Variants in LRP12 observed in about 807,000 individuals in gnomAD.
LRP12 encodes the protein low-density lipoprotein receptor-related protein 12.
LRP12 carries 14 observed loss-of-function variants against 66.0 expected under a neutral mutation model. That is an observed-to-expected ratio of 0.21 (90% CI 0.14 to 0.33). The LOEUF is 0.33. Ranked by LOEUF, LRP12 falls within the 10% of genes least tolerant of loss-of-function variation. LRP12 has a pLI of 1.00. For missense variants in LRP12, 889 were observed against 1,053.4 expected (o/e 0.84, Z 2.16); for synonymous variants, 357 against 359.1 (o/e 0.99, Z 0.07).
intron 1 of LRP12, among the ~76,000 whole-genome samples, chr8:104,548,335 A>G (rs1303624431): frequency 1.2e-4 from 1 of 8,308 alleles, no homozygotes; most frequent in East Asian, 1.9e-3. Flanking sequence ...TATATATTAT[A>G]TAAATATATA....
chr8:104,557,087 G>T (rs1811821407), intron 1 of LRP12, among the ~76,000 whole-genome samples: 1 of 152,068 alleles, frequency 6.6e-6, no homozygotes, highest in African/African-American at 2.4e-5. Context: ...ACCCGCAGTG[G>T]AATCAACATA....
chr8:104,589,132 C>T lies in LRP12; in HGVS notation c.-235G>A, dbSNP rs775668627. On this transcript the variant is annotated 5_prime_UTR_variant, in exon 1 of 7. Transcript: ENST00000276654. Reference sequence around the variant, plus strand: ...CCCACCCCGGGCGGTGCGAGAGCCCCACGCGGGGCGGCCCTCCTGGGGGCA... The same window carrying T: ...CCCACCCCGGGCGGTGCGAGAGCCCTACGCGGGGCGGCCCTCCTGGGGGCA... 2.2e-4 allele frequency: 48 copies of T among 218,818 alleles called. No individual in the cohort carries two copies. Among genetic ancestry groups the T allele is most frequent in the Non-Finnish European group, 3.7e-4 (41 of 112,086 alleles). The allele number at this position is 218,818 out of a possible 1,614,324, so 13.6% of individuals were successfully genotyped here. A position where few individuals can be genotyped will look rare whatever the true frequency, so the allele number is the denominator to read the frequency against.
intron 3 of LRP12, among the ~76,000 whole-genome samples, chr8:104,501,118 T>C (rs1810822176): frequency 6.6e-6 from 1 of 152,224 alleles, no homozygotes; most frequent in Admixed American, 6.5e-5. Flanking sequence ...TAATATTTCT[T>C]AAGAACTCTA....
At chr8:104,514,321 T>C (rs1187716285) in intron 2 of LRP12, among the ~76,000 whole-genome samples, 1 of 152,154 alleles carries the variant, frequency 6.6e-6, no homozygotes, top group East Asian at 1.9e-4. Context: ...TGTAATTTCA[T>C]TTTTCCTAGT....
chr8:104,555,361 G>T (rs546956685), intron 1 of LRP12, among the ~76,000 whole-genome samples: 1 of 152,176 alleles, frequency 6.6e-6, no homozygotes, highest in East Asian at 1.9e-4. Flanking sequence ...CCTCCACTTA[G>T]AAGACATAAA....
chr8:104,541,884 C>T (rs1202319703), intron 1 of LRP12, among the ~76,000 whole-genome samples: 1 of 152,110 alleles, frequency 6.6e-6, no homozygotes, highest in Non-Finnish European at 1.5e-5. Context: ...GGATATATCA[C>T]ATTTTGTTTA....
chr8:104,528,683 G>A lies in LRP12; in HGVS notation c.136+3224C>T, dbSNP rs1588493145. Among the ~76,000 whole-genome samples, 3 of 151,928 alleles carry A rather than the reference G, an allele frequency of 2.0e-5. No homozygotes were observed. The South Asian group carries it at 6.2e-4, about 32-fold the overall frequency. On this transcript the variant is annotated intron_variant, in intron 2 of 6. Coordinates refer to ENST00000276654, the MANE Select transcript of LRP12 (RefSeq NM_013437.5). ...CCAGCTACTTGGGAGACTGGGGCAG[G>A]AGAATCGCTTGAACCCGGGAGGCAG...
chr8:104,549,180 T>C (rs563551695), intron 1 of LRP12, among the ~76,000 whole-genome samples: 1 of 152,082 alleles, frequency 6.6e-6, no homozygotes, highest in Non-Finnish European at 1.5e-5. Flanking sequence ...TTCTTGCCAG[T>C]GCACCTCCTT....
At chr8:104,536,121 T>C (rs1242900902) in intron 1 of LRP12, among the ~76,000 whole-genome samples, 1 of 152,046 alleles carries the variant, frequency 6.6e-6, no homozygotes, top group East Asian at 1.9e-4. Context: ...ATAATCCTAA[T>C]AGGGCTTGCC....
At chr8:104,555,316 T>C (rs1811788558) in intron 1 of LRP12, among the ~76,000 whole-genome samples, 1 of 152,172 alleles carries the variant, frequency 6.6e-6, no homozygotes, top group Non-Finnish European at 1.5e-5. Flanking sequence ...GTACCTCGCA[T>C]TTCAATACCA....
Position 104,533,499 on chromosome 8 carries a change from T to TTATATGCACACTTAGTGATC in LRP12, c.80-1556_80-1537dup, listed in dbSNP as rs1329390299. Among the ~76,000 whole-genome samples the TTATATGCACACTTAGTGATC allele has an allele frequency of 3.3e-5, 5 of 152,180 alleles. No homozygotes were observed. In the East Asian group the frequency reaches 7.7e-4, roughly 23 times the overall value. On this transcript the variant is annotated intron_variant, in intron 1 of 6. Coordinates refer to ENST00000276654, the MANE Select transcript of LRP12 (RefSeq NM_013437.5). ...TCATTCCAGATTATGGAATCTGAATTTATATGCACACTTAGTGATCTATAT... is the reference window on the plus strand; with the variant it reads ...TCATTCCAGATTATGGAATCTGAATTTATATGCACACTTAGTGATCTATATGCACACTTAGTGATCTATAT...
chr8:104,502,053 A>G (rs1013453695), intron 3 of LRP12, among the ~76,000 whole-genome samples: 1 of 152,322 alleles, frequency 6.6e-6, no homozygotes, highest in African/African-American at 2.4e-5. Flanking sequence ...CATAGAAGAT[A>G]CTAATTTTTG....
chr8:104,543,314 T>C (rs1225356680), intron 1 of LRP12, among the ~76,000 whole-genome samples: 1 of 152,130 alleles, frequency 6.6e-6, no homozygotes, highest in Non-Finnish European at 1.5e-5. Flanking sequence ...ATTTTGGCAA[T>C]TCTTGTAATA....
At chr8:104,513,931 T>A (rs1157134260) in intron 2 of LRP12, among the ~76,000 whole-genome samples, 2 of 152,188 alleles carry the variant, frequency 1.3e-5, no homozygotes, top group African/African-American at 4.8e-5. Flanking sequence ...TTCAACATGA[T>A]CAGACCTGTG....
rs188027118 is a variant in LRP12, at chr8:104,580,369, A to T, written c.79+8450T>A. 7.7e-3 allele frequency among the ~76,000 whole-genome samples: 1,158 copies of T among 151,338 alleles called. 12 individuals carry two copies. Among genetic ancestry groups the T allele is most frequent in the African/African-American group, 0.023 (951 of 41,368 alleles). On this transcript the variant is annotated intron_variant, in intron 1 of 6. Coordinates refer to ENST00000276654, the MANE Select transcript of LRP12 (RefSeq NM_013437.5). ...GTCTCTACTAAAAATAAAAAAAAAA[A>T]AAAAAAAAAAATTAGCCGGGCATGG...
At chr8:104,496,451 C>A (rs1259427855) in intron 5 of LRP12, among the ~76,000 whole-genome samples, 1 of 151,826 alleles carries the variant, frequency 6.6e-6, no homozygotes, top group African/African-American at 2.4e-5. Flanking sequence ...AGCCTTTCTG[C>A]CTCTCTCCCT....
At chr8:104,496,931 C>A in intron 5 of LRP12, 41 bp downstream of exon 5, 1 of 1,462,256 alleles carries the variant, frequency 6.8e-7, no homozygotes. Flanking sequence ...ACACTTGGGC[C>A]TGCTTTTATT....
At chr8:104,563,774 TACCA>T (rs1811952416) in intron 1 of LRP12, among the ~76,000 whole-genome samples, 3 of 152,144 alleles carry the variant, frequency 2.0e-5, no homozygotes, top group Non-Finnish European at 2.9e-5. Context: ...AGTGAGCCCT[TACCA>T]GACATCAAAT....
chr8:104,524,113 G>A (rs548882730), intron 2 of LRP12, among the ~76,000 whole-genome samples: 3 of 151,624 alleles, frequency 2.0e-5, no homozygotes, highest in African/African-American at 7.3e-5. Flanking sequence ...CATGTGGTGC[G>A]CACCTGTAGT....
Sources: allele counts gnomAD v4.1 joint callset (sites outside exome capture counted in the v4.1 genomes callset), GRCh38; gene constraint gnomAD v4.1.1; transcripts MANE v1.5; gene names NCBI Gene and HGNC (gene_info 2026-07-23, HGNC 2026-07-21).